Variants in FAT3 observed in about 807,000 individuals in gnomAD.
FAT3 encodes FAT atypical cadherin 3.
Under a neutral mutation model 310.2 loss-of-function variants are expected in FAT3, and 95 were observed. The ratio of observed to expected loss-of-function variants is 0.31; its 90% CI spans 0.26 to 0.36. The LOEUF (loss-of-function observed/expected upper bound fraction) is 0.36, where lower values mean the gene tolerates loss of function less well. Ranked by LOEUF, FAT3 falls within the 10% of genes least tolerant of loss-of-function variation. The pLI is 1.00. For synonymous variants in FAT3, 2,314 were observed against 2,192.9 expected (o/e 1.06, Z -1.54); for missense variants, 5,408 against 5,715.6 (o/e 0.95, Z 1.74).
intron 2 of FAT3, among the ~76,000 whole-genome samples, chr11:92,475,040 G>T (rs188220895): frequency 6.6e-6 from 1 of 151,954 alleles, no homozygotes; most frequent in African/African-American, 2.4e-5. Flanking sequence ...TCCTTTCTTC[G>T]TACCCACCTT....
intron 1 of FAT3, among the ~76,000 whole-genome samples, chr11:92,315,502 T>TAG (rs1415756584): frequency 5.9e-4 from 54 of 91,736 alleles, no homozygotes; most frequent in African/African-American, 1.9e-3. Context: ...TATATATATA[T>TAG]ATATATATAT....
chr11:92,889,736 T>C (rs1565683048), intron 26 of FAT3, 120 bp from the exon 27 acceptor site: 16 of 662,374 alleles, frequency 2.4e-5, no homozygotes, highest in Non-Finnish European at 3.9e-5. Context: ...AAGGCTAAAC[T>C]TAGTCGTAGC....
intron 2 of FAT3, among the ~76,000 whole-genome samples, chr11:92,416,361 G>A (rs1237047462): frequency 1.7e-4 from 26 of 149,374 alleles, no homozygotes; most frequent in African/African-American, 6.4e-4. Flanking sequence ...TCCAGCCTGG[G>A]CGACAGGGTG....
At chr11:92,379,804 A>G (rs1949444060) in intron 2 of FAT3, among the ~76,000 whole-genome samples, 1 of 152,186 alleles carries the variant, frequency 6.6e-6, no homozygotes, top group Admixed American at 6.5e-5. Context: ...TGAAATTACT[A>G]GAACAGGGTC....
rs56918849 is a variant in FAT3 at position 92,554,461 on chromosome 11, C to CAAAAAAAA, written c.3607+29543_3607+29550dup. ...TGGGCGAAAGAGTGAGACTCCATCT[C>CAAAAAAAA]AAAAAAAAAAAAAAAAAAAAAAAAA... is the stretch of plus-strand genomic sequence containing the variant. On this transcript the variant is annotated intron_variant, in intron 3 of 27. Transcript: ENST00000525166. 1.6e-4 allele frequency among the ~76,000 whole-genome samples: 9 copies of CAAAAAAAA among 55,026 alleles called. 1 individual carries two copies. Among genetic ancestry groups the CAAAAAAAA allele is most frequent in the African/African-American group, 6.8e-4 (8 of 11,794 alleles). The allele number at this position is 55,026 out of a possible 152,430, so 36.1% of individuals were successfully genotyped here. A position where few individuals can be genotyped will look rare whatever the true frequency, so the allele number is the denominator to read the frequency against.
intron 2 of FAT3, among the ~76,000 whole-genome samples, chr11:92,521,631 A>G (rs1177407823): frequency 1.3e-5 from 2 of 152,154 alleles, no homozygotes; most frequent in Non-Finnish European, 2.9e-5. Flanking sequence ...TCTATGGTCA[A>G]TTGGGTAGAA....
At chr11:92,796,344 TG>T (rs554583176) in intron 9 of FAT3, among the ~76,000 whole-genome samples, 5 of 152,094 alleles carry the variant, frequency 3.3e-5, no homozygotes, top group African/African-American at 9.7e-5. Flanking sequence ...TATTCACATT[TG>T]GGGGGGCTGG....
chr11:92,566,299 C>G lies in FAT3; in HGVS notation c.3607+41351C>G, dbSNP rs1038383673. On this transcript the variant is annotated intron_variant, in intron 3 of 27. Transcript: ENST00000525166. ...CTCCCATTCACAATTGCTTCAAAGACAATAAAATACCTAGGAATCTACCTT... is the reference window on the plus strand; with the variant it reads ...CTCCCATTCACAATTGCTTCAAAGAGAATAAAATACCTAGGAATCTACCTT... 1.5e-3 allele frequency among the ~76,000 whole-genome samples: 235 copies of G among 152,102 alleles called. 1 individual carries two copies. Among genetic ancestry groups the G allele is most frequent in the South Asian group, 5.0e-3 (24 of 4,818 alleles).
At chr11:92,308,204 C>T (rs1947189707) in intron 1 of FAT3, among the ~76,000 whole-genome samples, 1 of 152,074 alleles carries the variant, frequency 6.6e-6, no homozygotes, top group African/African-American at 2.4e-5. Context: ...GTTTTATTGC[C>T]ATCTCTTTCT....
intron 18 of FAT3, among the ~76,000 whole-genome samples, chr11:92,840,963 A>G (rs1338803935): frequency 6.6e-6 from 1 of 152,216 alleles, no homozygotes; most frequent in East Asian, 1.9e-4. Flanking sequence ...GAAGGGAAGC[A>G]TCATTGTTCA....
intron 1 of FAT3, among the ~76,000 whole-genome samples, chr11:92,247,853 C>T (rs1043768759): frequency 7.9e-5 from 12 of 151,586 alleles, no homozygotes; most frequent in Non-Finnish European, 1.3e-4. Context: ...CCTGTTGTTG[C>T]AGCTACTCAG....
intron 2 of FAT3, among the ~76,000 whole-genome samples, chr11:92,523,752 T>C (rs1953760701): frequency 6.6e-6 from 1 of 152,208 alleles, no homozygotes; most frequent in Admixed American, 6.5e-5. Context: ...GATGGGCTCA[T>C]GATCCTGTCC....
At chr11:92,372,765 A>G (rs1231035864) in intron 2 of FAT3, among the ~76,000 whole-genome samples, 1 of 151,588 alleles carries the variant, frequency 6.6e-6, no homozygotes, top group Non-Finnish European at 1.5e-5. Context: ...GGTTCATGCC[A>G]TTCTCCTGCC....
chr11:92,740,713 T>C (rs1018787517), intron 4 of FAT3, among the ~76,000 whole-genome samples: 1 of 152,352 alleles, frequency 6.6e-6, no homozygotes, highest in East Asian at 1.9e-4. Flanking sequence ...TTTAAAATCA[T>C]GTAAGTACTT....
chr11:92,679,016 T>A (rs1176570508), intron 3 of FAT3, among the ~76,000 whole-genome samples: 3 of 152,174 alleles, frequency 2.0e-5, no homozygotes, highest in African/African-American at 4.8e-5. Context: ...GTGTACACAT[T>A]TTTTAGCACT....
intron 1 of FAT3, among the ~76,000 whole-genome samples, chr11:92,334,086 A>C (rs576369504): frequency 6.6e-6 from 1 of 152,310 alleles, no homozygotes; most frequent in African/African-American, 2.4e-5. Flanking sequence ...CTAATGACTT[A>C]AAGGGGGAGG....
chr11:92,568,983 G>T (rs898332989), intron 3 of FAT3, among the ~76,000 whole-genome samples: 54 of 152,060 alleles, frequency 3.6e-4, no homozygotes, highest in Non-Finnish European at 4.4e-5. Context: ...TCATGAAAAC[G>T]AAGGCAATTT....
At chr11:92,853,085 C>A (rs927205819) in intron 19 of FAT3, among the ~76,000 whole-genome samples, 1 of 152,236 alleles carries the variant, frequency 6.6e-6, no homozygotes, top group Non-Finnish European at 1.5e-5. Flanking sequence ...ACTCACACTA[C>A]TGGCCCAGAT....
intron 3 of FAT3, among the ~76,000 whole-genome samples, chr11:92,659,394 T>C (rs1308584494): frequency 6.6e-6 from 1 of 152,230 alleles, no homozygotes; most frequent in Non-Finnish European, 1.5e-5. Flanking sequence ...CAAATGAAGG[T>C]GCAGTCGTTA....
Sources: gnomAD v4.1 joint callset for allele counts (sites outside exome capture counted in the v4.1 genomes callset) on GRCh38, gnomAD v4.1.1 for gene constraint, MANE v1.5 for transcripts, NCBI Gene and HGNC (gene_info 2026-07-23, HGNC 2026-07-21) for gene names.